TLR2: variants seen among roughly 807,000 people sequenced by gnomAD.
TLR2 encodes toll-like receptor 2.
TLR2 carries 7 observed loss-of-function variants against 9.1 expected under a neutral mutation model. That is an observed-to-expected ratio of 0.77 (90% confidence interval 0.44 to 1.44). The LOEUF (loss-of-function observed/expected upper bound fraction) is 1.44. Among genes scored for constraint, TLR2 ranks in the 40% most tolerant of loss-of-function variants. TLR2 has a pLI of 0.01. For missense variants in TLR2, 812 were observed against 904.6 expected, an observed-to-expected ratio of 0.90 and a Z score of 1.31; for synonymous variants, 317 against 344.6, an observed-to-expected ratio of 0.92 and a Z score of 0.89.
chr4:153,706,749 A>G (rs905885590), downstream of TLR2, among the ~76,000 whole-genome samples: 1 of 152,356 alleles, frequency 6.6e-6, no homozygotes, highest in East Asian at 1.9e-4. Context: ...TTAATTGGGC[A>G]CTAGAGTCAG....
chr4:153,702,238 G>A (rs1736943785), intron 2 of TLR2: 1 of 152,194 alleles, frequency 6.6e-6, no homozygotes, highest in Non-Finnish European at 1.5e-5. Flanking sequence ...CAGGAAGACA[G>A]GGTTCTGATG....
chr4:153,699,142 G>A (rs1053642476), intron 2 of TLR2, among the ~76,000 whole-genome samples: 3 of 152,032 alleles, frequency 2.0e-5, no homozygotes, highest in Non-Finnish European at 4.4e-5. Flanking sequence ...TTGCTTCCCC[G>A]TTGATGACCC....
chr4:153,693,729 G>A (rs1217904180), intron 2 of TLR2, among the ~76,000 whole-genome samples: 1 of 152,184 alleles, frequency 6.6e-6, no homozygotes. Flanking sequence ...AGTGTGAAAA[G>A]GTTCCAAGGT....
At chr4:153,702,123 G>A (rs1482407183) in intron 2 of TLR2, 1 of 152,220 alleles carries the variant, frequency 6.6e-6, no homozygotes, top group Non-Finnish European at 1.5e-5. Flanking sequence ...TGGGTTTATG[G>A]TTACAAGTAA....
Position 153,704,564 on chromosome 4 carries a change from A to G in TLR2, c.1657A>G (p.Lys553Glu), listed in dbSNP as rs148883507. 11 of 1,613,632 alleles carry G rather than the reference A, an allele frequency of 6.8e-6. No homozygotes were observed. Among genetic ancestry groups the G allele is most frequent in the African/African-American group, 4.0e-5 (3 of 74,782 alleles). The change falls in exon 3 of 3, where the codon AAA (lysine) becomes GAA (glutamate). Residue 553 changes from lysine (K) to glutamate (E), a missense_variant. Physicochemically the swap from Lys to Glu is moderately conservative, Grantham distance 56 (BLOSUM62 1). Transcript: ENST00000642700. ...SFTQEQQALA[K>E]VLIDWPANYL... ...CACTCAGGAGCAGCAAGCACTGGCC[A>G]AAGTCTTGATTGATTGGCCAGCAAA...
At chr4:153,707,127 C>T (rs1329173414), downstream of TLR2, among the ~76,000 whole-genome samples, 1 of 152,018 alleles carries the variant, frequency 6.6e-6, no homozygotes, top group African/African-American at 2.4e-5. Context: ...TATAAGGGAT[C>T]CTGCTGTTTG....
At chr4:153,690,857 G>A (rs187346162) in intron 2 of TLR2, among the ~76,000 whole-genome samples, 3 of 152,362 alleles carry the variant, frequency 2.0e-5, no homozygotes, top group Non-Finnish European at 2.9e-5. Flanking sequence ...TCCTGGAAGA[G>A]GTGTATGAGC....
At chr4:153,688,881 C>G (rs1194178561) in intron 2 of TLR2, among the ~76,000 whole-genome samples, 1 of 152,212 alleles carries the variant, frequency 6.6e-6, no homozygotes, top group Non-Finnish European at 1.5e-5. Flanking sequence ...CACATGTCCC[C>G]CTTTTTTGTT....
chr4:153,705,755 A>G lies in TLR2; in HGVS notation c.*493A>G, dbSNP rs984886844. The G allele has an allele frequency of 1.0e-4, 17 of 167,126 alleles. No individual in the cohort carries two copies. Among genetic ancestry groups the G allele is most frequent in the Admixed American group, 9.1e-4 (14 of 15,306 alleles). 10.4% of individuals were successfully genotyped at this position (167,126 alleles called of 1,614,324 possible). On this transcript the variant is annotated 3_prime_UTR_variant, in exon 3 of 3. Transcript: ENST00000642700. The stretch of plus-strand genomic sequence containing the variant: ...ATTATTGTTATTTTTTATTTTCAAA[A>G]TTTTTAAAACATACTTTTGATCCAC...
rs576173511 is a variant in TLR2, at chr4:153,698,795, T to C, written c.-16-4097T>C. ...TTAAGTAAATGCTGGATATGTCATG[T>C]TGAACCAAATACTAATATGCTTTTA... On this transcript the variant is annotated intron_variant, in intron 2 of 2. Transcript: ENST00000642700. 3.3e-5 allele frequency among the ~76,000 whole-genome samples: 5 copies of C among 152,310 alleles called. No individual in the cohort carries two copies. In the East Asian group the frequency reaches 9.6e-4, roughly 29 times the overall value.
rs1030796949 is a variant in TLR2, at chr4:153,699,485, C to A, written c.-16-3407C>A. Among the ~76,000 whole-genome samples the A allele has an allele frequency of 3.3e-5, 5 of 152,192 alleles. No individual in the cohort carries two copies. The East Asian group carries it at 7.7e-4, about 23-fold the overall frequency. On this transcript the variant is annotated intron_variant, in intron 2 of 2. Coordinates refer to ENST00000642700, the MANE Select transcript of TLR2 (RefSeq NM_001318789.2). ...TGTAAATGAGGTTATGATTAGAAAT[C>A]CCCTTCAAACATTAGCTACTACAGC... is the stretch of plus-strand genomic sequence containing the variant.
At chr4:153,689,479 G>A (rs963520680) in intron 2 of TLR2, among the ~76,000 whole-genome samples, 2 of 152,206 alleles carry the variant, frequency 1.3e-5, no homozygotes, top group African/African-American at 4.8e-5. Context: ...TGATTCCATA[G>A]GAATCACTGC....
At chr4:153,706,916 T>C (rs1737349418), downstream of TLR2, among the ~76,000 whole-genome samples, 1 of 152,206 alleles carries the variant, frequency 6.6e-6, no homozygotes, top group Non-Finnish European at 1.5e-5. Context: ...CTAAGCTCCT[T>C]GATTCCCATT....
At chr4:153,684,961 G>A (rs564420295) in intron 1 of TLR2, among the ~76,000 whole-genome samples, 1 of 151,594 alleles carries the variant, frequency 6.6e-6, no homozygotes, top group African/African-American at 2.4e-5. Context: ...ACGAGCTAGC[G>A]TCTGGCAGGG....
intron 1 of TLR2, among the ~76,000 whole-genome samples, chr4:153,686,194 A>G (rs1735691262): frequency 1.3e-5 from 2 of 152,146 alleles, no homozygotes; most frequent in African/African-American, 4.8e-5. Context: ...ATGCCACTGC[A>G]CTCCAGCCTG....
In TLR2 at chr4:153,704,550, A is replaced by G. The variant is rs1244496974; in HGVS notation, c.1643A>G (p.Gln548Arg). Residue 548 changes from glutamine (Q) to arginine (R), a missense_variant, in exon 3 of 3, where the codon CAG (glutamine) becomes CGG (arginine). Gln to Arg is a conservative substitution (Grantham distance 43). Transcript: ENST00000642700. ...SCEFLSFTQE[Q>R]QALAKVLIDW... ...GAATTCCTCTCCTTCACTCAGGAGC[A>G]GCAAGCACTGGCCAAAGTCTTGATT... 1 of 1,613,886 alleles carries G rather than the reference A, an allele frequency of 6.2e-7. No homozygotes were observed. The highest frequency in any genetic ancestry group is 1.3e-5 in the African/African-American group (1 of 74,884).
rs534305860 is a variant in TLR2 at position 153,705,956 on chromosome 4, C to G, written c.*694C>G. Among the ~76,000 whole-genome samples, 7 of 152,306 alleles carry G rather than the reference C, an allele frequency of 4.6e-5. No individual in the cohort carries two copies. The East Asian group carries it at 1.4e-3, about 29-fold the overall frequency. ...GTGGCCACAAAAGGCATTCTCTGTCCTACCTAGCTGTCACTTCTCTGTGCA... is the reference window on the plus strand; with the variant it reads ...GTGGCCACAAAAGGCATTCTCTGTCGTACCTAGCTGTCACTTCTCTGTGCA... On this transcript the variant is annotated 3_prime_UTR_variant, in exon 3 of 3. Transcript: ENST00000642700.
At position 153,703,060 on chromosome 4, in the gene TLR2, A is replaced by G; in HGVS notation, c.153A>G (p.Thr51=). The change falls in exon 3 of 3, where the codon ACA becomes ACG. Residue 51 remains threonine, a synonymous_variant. Transcript: ENST00000642700. ...TAAACTCCATTCCCTCAGGGCTCAC[A>G]GAAGCTGTAAAAAGCCTTGACCTGT... ...GSLNSIPSGL[T]EAVKSLDLSN... 6.2e-7 allele frequency: 1 copy of G among 1,614,112 alleles called. No individual in the cohort carries two copies. Among genetic ancestry groups the G allele is most frequent in the Non-Finnish European group, 8.5e-7 (1 of 1,180,024 alleles).
In TLR2 at chr4:153,704,513, A is replaced by C; in HGVS notation, c.1606A>C (p.Ile536Leu). Reference sequence around the variant, plus strand: ...TTTGGAAGCTGGTGGCAATAACTTCATTTGCTCCTGTGAATTCCTCTCCTT... The same window carrying C: ...TTTGGAAGCTGGTGGCAATAACTTCCTTTGCTCCTGTGAATTCCTCTCCTT... ...KTLEAGGNNF[I>L]CSCEFLSFTQ... is the part of the protein sequence containing the mutation. The change falls in exon 3 of 3, where the codon ATT becomes CTT. Residue 536 changes from isoleucine (I) to leucine (L), a missense_variant. Transcript: ENST00000642700. 1 of 1,614,000 alleles carries C rather than the reference A, an allele frequency of 6.2e-7. No homozygotes were observed.
Sources: allele counts gnomAD v4.1 joint callset (sites outside exome capture counted in the v4.1 genomes callset), GRCh38; gene constraint gnomAD v4.1.1; transcripts MANE v1.5; gene names NCBI Gene and HGNC (gene_info 2026-07-23, HGNC 2026-07-21).